The following REEP5 variants were observed in gnomAD, a reference collection of about 807,000 sequenced individuals.
The protein encoded by REEP5 is receptor accessory protein 5.
A neutral mutation model predicts 22.4 loss-of-function variants in REEP5; 24 were observed. That is an observed-to-expected ratio of 1.07 (90% CI 0.78 to 1.51). The LOEUF (loss-of-function observed/expected upper bound fraction) is 1.51. REEP5 is among the 40% of genes most tolerant of loss of function. REEP5 has a pLI of 0.00. For missense variants in REEP5, 252 were observed against 233.0 expected (o/e 1.08, Z -0.53); for synonymous variants, 103 against 88.6 (o/e 1.16, Z -0.92).
chr5:112,886,790 T>A (rs529803622), intron 4 of REEP5, among the ~76,000 whole-genome samples: 1 of 152,342 alleles, frequency 6.6e-6, no homozygotes, highest in South Asian at 2.1e-4. Context: ...TTCCTAATGT[T>A]CTGACTGAAG....
At chr5:112,902,640 G>T in intron 2 of REEP5, 122 bp from the exon 3 acceptor site, 1 of 783,140 alleles carries the variant, frequency 1.3e-6, no homozygotes, top group Non-Finnish European at 2.0e-6. Context: ...TAGGCACTGT[G>T]TCACTAGATG....
intron 2 of REEP5, among the ~76,000 whole-genome samples, chr5:112,916,194 G>A (rs1415127530): frequency 2.6e-5 from 4 of 152,216 alleles, no homozygotes; most frequent in Non-Finnish European, 5.9e-5. Context: ...TTAGCTAAGA[G>A]GATGCTGTTG....
At chr5:112,900,705 C>T (rs1353434843) in intron 3 of REEP5, among the ~76,000 whole-genome samples, 1 of 152,112 alleles carries the variant, frequency 6.6e-6, no homozygotes, top group Non-Finnish European at 1.5e-5. Context: ...AGGACTCATC[C>T]ACCCCCTACC....
At chr5:112,878,869 T>C (rs1315539339) in intron 4 of REEP5, 34 bp from the exon 5 acceptor site, 1 of 1,613,688 alleles carries the variant, frequency 6.2e-7, no homozygotes, top group East Asian at 2.2e-5. Flanking sequence ...GAAAAATATA[T>C]CAAAGCTCTT....
At chr5:112,904,564 G>T (rs895825415) in intron 2 of REEP5, among the ~76,000 whole-genome samples, 1 of 152,168 alleles carries the variant, frequency 6.6e-6, no homozygotes, top group South Asian at 2.1e-4. Flanking sequence ...TCTAGAATAT[G>T]ACGTAAAAAC....
chr5:112,889,986 C>T (rs1768384272), intron 3 of REEP5, among the ~76,000 whole-genome samples: 1 of 150,408 alleles, frequency 6.6e-6, no homozygotes, highest in South Asian at 2.1e-4. Flanking sequence ...ACCACCATGC[C>T]CAGCTAATTT....
At chr5:112,882,309 C>G (rs1355330703) in intron 4 of REEP5, among the ~76,000 whole-genome samples, 1 of 152,070 alleles carries the variant, frequency 6.6e-6, no homozygotes, top group Non-Finnish European at 1.5e-5. Flanking sequence ...CCCCACCCTG[C>G]TTTTTTGCTC....
chr5:112,912,278 A>T (rs1769121749), intron 2 of REEP5, among the ~76,000 whole-genome samples: 1 of 152,172 alleles, frequency 6.6e-6, no homozygotes, highest in South Asian at 2.1e-4. Context: ...TGCATGGTTC[A>T]TAAGTAACTC....
intron 4 of REEP5, among the ~76,000 whole-genome samples, chr5:112,880,266 TA>T (rs984189386): frequency 2.6e-5 from 4 of 151,920 alleles, no homozygotes; most frequent in East Asian, 1.9e-4. Flanking sequence ...AAAAGAAAAA[TA>T]TATTTTCTTA....
At chr5:112,897,966 G>C (rs1172656777) in intron 3 of REEP5, 2 of 152,310 alleles carry the variant, frequency 1.3e-5, no homozygotes, top group Admixed American at 1.3e-4. Flanking sequence ...GGCTGTGGCA[G>C]GAGAATCGCT....
intron 3 of REEP5, chr5:112,894,140 T>G (rs375897522): frequency 6.5e-4 from 94 of 145,036 alleles, no homozygotes; most frequent in African/African-American, 2.3e-3. Context: ...TTTTTTTTTT[T>G]GAGACGGAGT....
At chr5:112,903,752 G>C (rs575972061) in intron 2 of REEP5, among the ~76,000 whole-genome samples, 1 of 152,278 alleles carries the variant, frequency 6.6e-6, no homozygotes, top group East Asian at 1.9e-4. Flanking sequence ...GGGAAAAATT[G>C]TAGCTCAATG....
At position 112,922,072 on chromosome 5, in the gene REEP5, C is replaced by A. The variant is rs747436513; in HGVS notation, c.118+1G>T. The A allele has an allele frequency of 6.3e-7, 1 of 1,596,912 alleles. No individual in the cohort carries two copies. The highest frequency in any genetic ancestry group is 1.7e-5 in the Admixed American group (1 of 57,930). On this transcript the variant is annotated splice_donor_variant, in intron 1 of 4. Transcript: ENST00000379638. LOFTEE classifies it high-confidence loss of function. ...AGCGGCGGCGACCCCCGGCCACCCA[C>A]CAAGAGCGATGAAGCTCCTGTTCAC...
At chr5:112,921,377 G>C in intron 1 of REEP5, 121 bp from the exon 2 acceptor site, 1 of 937,604 alleles carries the variant, frequency 1.1e-6, no homozygotes, top group Non-Finnish European at 1.7e-6. Context: ...TCGATTAAAG[G>C]AGCGAGAAAA....
intron 2 of REEP5, among the ~76,000 whole-genome samples, chr5:112,905,046 C>T (rs1296981887): frequency 2.0e-5 from 3 of 152,090 alleles, no homozygotes; most frequent in Non-Finnish European, 4.4e-5. Flanking sequence ...AATAGATCTT[C>T]TCATATTATT....
In REEP5 at chr5:112,876,480, T is replaced by A. The variant is rs147629684; in HGVS notation, c.*2306A>T. ...ATAACAGTGTGAAGGGTGTGCTCATTTTCTTCAGCTGTGAGTAGAGGAGTC... is the reference window on the plus strand; with the variant it reads ...ATAACAGTGTGAAGGGTGTGCTCATATTCTTCAGCTGTGAGTAGAGGAGTC... On this transcript the variant is annotated 3_prime_UTR_variant, in exon 5 of 5. Coordinates refer to ENST00000379638, the MANE Select transcript of REEP5 (RefSeq NM_005669.5). The A allele has an allele frequency of 3.7e-3, 561 of 152,322 alleles. 4 individuals carry two copies. Among genetic ancestry groups the A allele is most frequent in the African/African-American group, 0.013 (539 of 41,566 alleles). 9.4% of individuals were successfully genotyped at this position (152,322 alleles called of 1,614,324 possible).
At chr5:112,908,094 GTTTTTTGT>G (rs1768997053) in intron 2 of REEP5, among the ~76,000 whole-genome samples, 1 of 72,610 alleles carries the variant, frequency 1.4e-5, no homozygotes, top group African/African-American at 6.1e-5. Flanking sequence ...GACTTTCTTT[GTTTTTTGT>G]TTTTTTTTTT....
At chr5:112,883,477 C>T (rs776133550) in intron 4 of REEP5, among the ~76,000 whole-genome samples, 1 of 152,172 alleles carries the variant, frequency 6.6e-6, no homozygotes, top group Non-Finnish European at 1.5e-5. Context: ...CTTGCTACCT[C>T]AATTGGCCAC....
At position 112,914,410 on chromosome 5, in the gene REEP5, G is replaced by C. The variant is rs928290172; in HGVS notation, c.212+6753C>G. Among the ~76,000 whole-genome samples the C allele has an allele frequency of 9.2e-5, 14 of 151,678 alleles. No individual in the cohort carries two copies. The East Asian group carries it at 2.4e-3, about 26-fold the overall frequency. Reference sequence around the variant, plus strand: ...GACTACAGGCGTGTACTAATTTTTTGTATTTTTTGTAGAGATGGGGTTTTG... The same window carrying C: ...GACTACAGGCGTGTACTAATTTTTTCTATTTTTTGTAGAGATGGGGTTTTG... On this transcript the variant is annotated intron_variant, in intron 2 of 4. Transcript: ENST00000379638.
Sources: gnomAD v4.1 joint callset for allele counts (sites outside exome capture counted in the v4.1 genomes callset) on GRCh38, gnomAD v4.1.1 for gene constraint, MANE v1.5 for transcripts, NCBI Gene and HGNC (gene_info 2026-07-23, HGNC 2026-07-21) for gene names.